PROSER1: variants seen among roughly 807,000 people sequenced by gnomAD.
The protein encoded by PROSER1 is proline and serine rich 1.
PROSER1 carries 36 observed loss-of-function variants against 71.8 expected under a neutral mutation model. That is an observed-to-expected ratio of 0.50 (90% CI 0.38 to 0.66). PROSER1 has a LOEUF of 0.66. Ranked by LOEUF, PROSER1 falls within the 30% of genes least tolerant of loss-of-function variation. The pLI is 0.00. For missense variants in PROSER1, 1,107 were observed against 1,135.0 expected (o/e 0.98, Z 0.35); for synonymous variants, 490 against 452.4 (o/e 1.08, Z -1.06).
In PROSER1 at chr13:39,014,397, A is replaced by T; in HGVS notation, c.855T>A (p.Thr285=). Residue 285 remains threonine (T), a synonymous_variant, in exon 11 of 13, where the codon ACT becomes ACA. Coordinates refer to ENST00000352251, the MANE Select transcript of PROSER1 (RefSeq NM_025138.5). The part of the protein sequence containing the change: ...PSTPAATPVP[T]ASPVKAINHP... ...GATTAATTGCCTTGACTGGGGATGC[A>T]GTAGGAACAGGAGTTGCAGCAGGTG... 5 of 1,614,110 alleles carry T rather than the reference A, an allele frequency of 3.1e-6. No homozygotes were observed. Among genetic ancestry groups the T allele is most frequent in the Non-Finnish European group, 4.2e-6 (5 of 1,180,012 alleles).
chr13:39,012,995 C>T lies in PROSER1; in HGVS notation c.2257G>A (p.Ala753Thr). The change falls in exon 11 of 13, where the codon GCT becomes ACT. Residue 753 changes from alanine (A) to threonine (T), a missense_variant. Coordinates refer to ENST00000352251, the MANE Select transcript of PROSER1 (RefSeq NM_025138.5). ...GGTGCTGCTGAGACTGGTGCTGAAG[C>T]AGAAAGCCCTGAGAGAACAGCTGCC... ...STAAVLSGLS[A>T]SAPVSAAPFP... The T allele has an allele frequency of 6.2e-7, 1 of 1,614,106 alleles. No individual in the cohort carries two copies.
In PROSER1 at chr13:39,010,326, A is replaced by C. The variant is rs1393268295; in HGVS notation, c.*1039T>G. ...CCTGAAATGTACTACAGTAGAGTCTATAGTTTACACTTTTAATCACAGATT... is the reference window on the plus strand; with the variant it reads ...CCTGAAATGTACTACAGTAGAGTCTCTAGTTTACACTTTTAATCACAGATT... On this transcript the variant is annotated 3_prime_UTR_variant, in exon 13 of 13. Transcript: ENST00000352251. 1.3e-5 allele frequency: 2 copies of C among 152,660 alleles called. No individual in the cohort carries two copies. Among genetic ancestry groups the C allele is most frequent in the Non-Finnish European group, 2.9e-5 (2 of 68,042 alleles). The allele number at this position is 152,660 out of a possible 1,614,324, so 9.5% of individuals were successfully genotyped here.
intron 1 of PROSER1, 144 bp from the exon 2 acceptor site, chr13:39,034,340 A>T (rs1388518064): frequency 1.9e-6 from 1 of 537,432 alleles, no homozygotes; most frequent in Non-Finnish European, 3.1e-6. Context: ...AACTAAGGTC[A>T]CTGTGGTGAG....
At chr13:39,031,813 TAA>T in intron 2 of PROSER1, 182 bp from the exon 3 acceptor site, 1 of 526,212 alleles carries the variant, frequency 1.9e-6, no homozygotes, top group Non-Finnish European at 3.4e-6. Context: ...TTAAATAACT[TAA>T]AGTCAAATAA....
chr13:39,032,649 T>A (rs764281257), intron 2 of PROSER1, among the ~76,000 whole-genome samples: 2 of 152,284 alleles, frequency 1.3e-5, no homozygotes, highest in South Asian at 4.1e-4. Flanking sequence ...TCCAGTTAAT[T>A]TGATAAACGT....
At chr13:39,031,687 A>T in intron 2 of PROSER1, 56 bp from the exon 3 acceptor site, 1 of 1,455,180 alleles carries the variant, frequency 6.9e-7, no homozygotes, top group South Asian at 1.2e-5. Context: ...CATTTCTATA[A>T]GATTTCAGTA....
At chr13:39,030,476 C>T (rs896637529) in intron 3 of PROSER1, among the ~76,000 whole-genome samples, 9 of 152,274 alleles carry the variant, frequency 5.9e-5, no homozygotes, top group Admixed American at 2.0e-4. Context: ...CCTCAGAGCT[C>T]TGTCATGAGT....
Position 39,017,536 on chromosome 13 carries a change from C to A in PROSER1, c.739G>T (p.Asp247Tyr). 1 of 1,493,526 alleles carries A rather than the reference C, an allele frequency of 6.7e-7. No homozygotes were observed. Among genetic ancestry groups the A allele is most frequent in the Non-Finnish European group, 9.2e-7 (1 of 1,086,444 alleles). The allele number at this position is 1,493,526 out of a possible 1,614,324, so 92.5% of individuals were successfully genotyped here. A position where few individuals can be genotyped will look rare whatever the true frequency, so the allele number is the denominator to read the frequency against. ...TPNPVGTENE[D>Y]LSNPSKPIQN... is the part of the protein sequence containing the mutation. ...ATAGGTTTTGACGGATTCGAAAGGTCTTCATTCTCTATATAAAAATAAATA... is the reference window on the plus strand; with the variant it reads ...ATAGGTTTTGACGGATTCGAAAGGTATTCATTCTCTATATAAAAATAAATA... Residue 247 changes from aspartate (D) to tyrosine (Y), a missense_variant, in exon 10 of 13, where the codon GAC becomes TAC. Coordinates refer to ENST00000352251, the MANE Select transcript of PROSER1 (RefSeq NM_025138.5).
At chr13:39,016,284 T>C (rs1322135240) in intron 10 of PROSER1, among the ~76,000 whole-genome samples, 1 of 152,218 alleles carries the variant, frequency 6.6e-6, no homozygotes, top group African/African-American at 2.4e-5. Context: ...ATTTCACTTG[T>C]CCTCACAATA....
chr13:39,019,057 T>C (rs1870155762), intron 9 of PROSER1, among the ~76,000 whole-genome samples: 3 of 152,282 alleles, frequency 2.0e-5, no homozygotes, highest in Non-Finnish European at 4.4e-5. Context: ...CACGTCATTT[T>C]CTACCAAAAG....
chr13:39,026,085 G>A (rs1870531776), intron 6 of PROSER1, among the ~76,000 whole-genome samples, 192 bp downstream of exon 6: 4 of 152,054 alleles, frequency 2.6e-5, no homozygotes, highest in Admixed American at 2.6e-4. Context: ...TCTTCTATTT[G>A]TCTTGTTCTA....
intron 9 of PROSER1, among the ~76,000 whole-genome samples, chr13:39,019,741 A>C (rs1870201634): frequency 6.6e-6 from 1 of 151,956 alleles, no homozygotes; most frequent in Non-Finnish European, 1.5e-5. Context: ...GAAAAACAAA[A>C]CTGGAATAGA....
At position 39,028,205 on chromosome 13, in the gene PROSER1, A is replaced by T. The variant is rs770322275; in HGVS notation, c.369+22T>A. On this transcript the variant is annotated intron_variant, in intron 5 of 12. Coordinates refer to ENST00000352251, the MANE Select transcript of PROSER1 (RefSeq NM_025138.5). ...TCGGAAAAACCAGCGTACCAAGTAC[A>T]TGACAATCTTTAGAAAACTACCTGT... 3.0e-6 allele frequency: 4 copies of T among 1,323,084 alleles called. No individual in the cohort carries two copies. In the Admixed American group the frequency reaches 6.8e-5, roughly 23 times the overall value. 82.0% of individuals were successfully genotyped at this position (1,323,084 alleles called of 1,614,324 possible).
chr13:39,020,440 C>A (rs535507100), intron 9 of PROSER1, among the ~76,000 whole-genome samples: 1 of 151,602 alleles, frequency 6.6e-6, no homozygotes. Context: ...AGATTTCTAA[C>A]GATAATAAAA....
rs112960211 is a variant in PROSER1 at position 39,012,622 on chromosome 13, T to C, written c.2561+69A>G. The C allele has an allele frequency of 2.9e-4, 367 of 1,251,816 alleles. 1 individual carries two copies. The African/African-American group carries it at 4.9e-3, about 17-fold the overall frequency. The allele number at this position is 1,251,816 out of a possible 1,614,324, so 77.5% of individuals were successfully genotyped here. ...AGATTTTGACATTCATTTTGATGAC[T>C]TGAAATGAAATGTGAACTACAAGTT... On this transcript the variant is annotated intron_variant, in intron 11 of 12. Coordinates refer to ENST00000352251, the MANE Select transcript of PROSER1 (RefSeq NM_025138.5).
At chr13:39,032,343 A>C (rs1566028922) in intron 2 of PROSER1, among the ~76,000 whole-genome samples, 2 of 152,284 alleles carry the variant, frequency 1.3e-5, no homozygotes, top group Non-Finnish European at 2.9e-5. Flanking sequence ...AAGAACTTCA[A>C]ACAAATGAGG....
In PROSER1 at chr13:39,012,176, G is replaced by A. The variant is rs774734623; in HGVS notation, c.2619C>T (p.Leu873=). 9 of 1,614,048 alleles carry A rather than the reference G, an allele frequency of 5.6e-6. No homozygotes were observed. In the African/African-American group the frequency reaches 9.3e-5, roughly 17 times the overall value. Residue 873 remains leucine (L), a synonymous_variant, in exon 12 of 13, where the codon CTC becomes CTT. Transcript: ENST00000352251. ...GSSVFPGLLS[L]PGIPGFPQNP... ...TCTGAGGAAACCCAGGGATACCCGG[G>A]AGGGACAAAAGGCCTGGAAAAACAG...
chr13:39,019,610 A>T (rs1028453293), intron 9 of PROSER1, among the ~76,000 whole-genome samples: 1 of 146,456 alleles, frequency 6.8e-6, no homozygotes, highest in Non-Finnish European at 1.5e-5. Flanking sequence ...AACCATTAAG[A>T]ATAAGAAGGT....
rs377125052 is a variant in PROSER1 at position 39,017,638 on chromosome 13, T to C, written c.731-94A>G. ...TTTGGATAAAAAGAAAAACACAGGA[T>C]ATAAATATTTATGGACTATGTTAGG... On this transcript the variant is annotated intron_variant, in intron 9 of 12. Coordinates refer to ENST00000352251, the MANE Select transcript of PROSER1 (RefSeq NM_025138.5). 2.1e-3 allele frequency: 1,430 copies of C among 682,578 alleles called. 30 individuals carry two copies. The highest frequency in any genetic ancestry group is 0.019 in the South Asian group (1,069 of 55,494). 42.3% of individuals were successfully genotyped at this position (682,578 alleles called of 1,614,324 possible). A position where few individuals can be genotyped will look rare whatever the true frequency, so the allele number is the denominator to read the frequency against.
Sources: allele counts gnomAD v4.1 joint callset (sites outside exome capture counted in the v4.1 genomes callset), GRCh38; gene constraint gnomAD v4.1.1; transcripts MANE v1.5; gene names NCBI Gene and HGNC (gene_info 2026-07-23, HGNC 2026-07-21).